THOC2: variants seen among roughly 807,000 people sequenced by gnomAD.
The protein encoded by THOC2 is THO complex 2.
Under a neutral mutation model 128.4 loss-of-function variants are expected in THOC2, and 10 were observed. The ratio of observed to expected loss-of-function variants is 0.08; its 90% confidence interval spans 0.05 to 0.13. THOC2 has a LOEUF of 0.13. Among genes scored for constraint, THOC2 ranks in the 10% least tolerant of loss-of-function variants. The pLI is 1.00. For missense variants in THOC2, 535 were observed against 1,155.7 expected, an observed-to-expected ratio of 0.46 and a Z score of 7.79; for synonymous variants, 393 against 396.9, an observed-to-expected ratio of 0.99 and a Z score of 0.12.
chrX:123,662,716 C>G (rs2048889737), intron 12 of THOC2, among the ~76,000 whole-genome samples: 1 of 111,321 alleles, frequency 9.0e-6, no homozygotes. Context: ...TATCACATAT[C>G]TGATAAGGCC....
intron 12 of THOC2, among the ~76,000 whole-genome samples, chrX:123,647,629 T>C (rs1328972754): frequency 9.2e-6 from 1 of 108,782 alleles, no homozygotes; most frequent in Admixed American, 9.9e-5. Context: ...AGGTCGGGAG[T>C]TCGAGACCAG....
chrX:123,648,096 A>T (rs1040331495), intron 12 of THOC2, among the ~76,000 whole-genome samples: 4 of 110,899 alleles, frequency 3.6e-5, no homozygotes, highest in Non-Finnish European at 7.6e-5. Context: ...TGCATTTCCA[A>T]CTGAGGTACC....
chrX:123,623,417 A>G, intron 28 of THOC2, 134 bp from the exon 29 acceptor site: 1 of 714,192 alleles, frequency 1.4e-6, no homozygotes, highest in South Asian at 4.0e-5. Context: ...CCAATTTTTA[A>G]TAAGTTCTTG....
chrX:123,667,316 C>G (rs372855351), intron 10 of THOC2, 38 bp from the exon 11 acceptor site: 2 of 1,024,626 alleles, frequency 2.0e-6, no homozygotes, highest in Non-Finnish European at 2.7e-6. Flanking sequence ...ACTCAGGATA[C>G]AGACATCAAG....
intron 31 of THOC2, 66 bp downstream of exon 31, chrX:123,621,091 G>A (rs1193503013): frequency 1.7e-6 from 2 of 1,172,467 alleles, no homozygotes; most frequent in Non-Finnish European, 2.3e-6. Context: ...CCAAAACAAG[G>A]AGACAATAAC....
At chrX:123,681,170 A>T (rs898454713) in intron 8 of THOC2, among the ~76,000 whole-genome samples, 2 of 112,158 alleles carry the variant, frequency 1.8e-5, no homozygotes, top group South Asian at 7.4e-4. Flanking sequence ...ACTCTTCTTT[A>T]TTAGAAGAAT....
intron 12 of THOC2, among the ~76,000 whole-genome samples, chrX:123,648,725 G>A (rs558282615): frequency 8.9e-6 from 1 of 112,018 alleles, no homozygotes; most frequent in Admixed American, 9.4e-5. Flanking sequence ...AGAGCCCACT[G>A]CAGCGTCACA....
intron 4 of THOC2, among the ~76,000 whole-genome samples, chrX:123,700,123 A>G (rs1046036194): frequency 5.4e-5 from 6 of 110,476 alleles, no homozygotes; most frequent in Non-Finnish European, 7.6e-5. Flanking sequence ...CCCAGCCCAG[A>G]GGCCCCATCA....
chrX:123,696,704 A>G lies in THOC2; in HGVS notation c.467+17T>C, dbSNP rs1413039264. 8.4e-7 allele frequency: 1 copy of G among 1,187,542 alleles called. No homozygotes were observed. The highest frequency in any genetic ancestry group is 1.8e-5 in the African/African-American group (1 of 56,295). ...TACTCAGATACTTGATCTGCAACAT[A>G]AGATACGTGTACTTACAAGAGTTTT... On this transcript the variant is annotated intron_variant, in intron 6 of 38. Transcript: ENST00000245838.
chrX:123,694,200 A>T (rs889777150), intron 7 of THOC2, among the ~76,000 whole-genome samples: 3 of 111,502 alleles, frequency 2.7e-5, no homozygotes, highest in African/African-American at 9.8e-5. Flanking sequence ...TATGTGGGGA[A>T]TACTACCTTA....
At chrX:123,657,141 C>T (rs906157062) in intron 12 of THOC2, among the ~76,000 whole-genome samples, 3 of 111,382 alleles carry the variant, frequency 2.7e-5, no homozygotes, top group Non-Finnish European at 3.8e-5. Context: ...GGAGATAACG[C>T]GGCTGAGGAA....
At chrX:123,642,197 G>A (rs1319754025) in intron 15 of THOC2, among the ~76,000 whole-genome samples, 5 of 111,503 alleles carry the variant, frequency 4.5e-5, no homozygotes, top group Non-Finnish European at 7.5e-5. Flanking sequence ...AGGCCAAGGC[G>A]GGTGAATCAC....
At position 123,691,001 on chromosome X, in the gene THOC2, C is replaced by A. The variant is rs759299234; in HGVS notation, c.602-4287G>T. 6.3e-5 allele frequency among the ~76,000 whole-genome samples: 7 copies of A among 111,898 alleles called. No individual in the cohort carries two copies. In the Admixed American group the frequency reaches 6.6e-4, roughly 11 times the overall value. On this transcript the variant is annotated intron_variant, in intron 7 of 38. Coordinates refer to ENST00000245838, the MANE Select transcript of THOC2 (RefSeq NM_001081550.2). Reference sequence around the variant, plus strand: ...CCAAGGCAGGTAGATAGCTTGAGCTCAGGAGTTCGAGACCTGCCAGGGCAA... The same window carrying A: ...CCAAGGCAGGTAGATAGCTTGAGCTAAGGAGTTCGAGACCTGCCAGGGCAA...
intron 12 of THOC2, among the ~76,000 whole-genome samples, chrX:123,664,493 T>G (rs2048974559): frequency 9.0e-6 from 1 of 111,731 alleles, no homozygotes; most frequent in Non-Finnish European, 1.9e-5. Context: ...TACAAAGAAC[T>G]CAAACAAATT....
At chrX:123,655,793 G>A (rs948410309) in intron 12 of THOC2, among the ~76,000 whole-genome samples, 14 of 111,340 alleles carry the variant, frequency 1.3e-4, no homozygotes, top group Middle Eastern at 4.6e-3. Flanking sequence ...TTTACCAAGC[G>A]CCAACGTATG....
Position 123,638,752 on chromosome X carries a change from T to A in THOC2, c.1840+182A>T, listed in dbSNP as rs754285886. Among the ~76,000 whole-genome samples, 57 of 88,930 alleles carry A rather than the reference T, an allele frequency of 6.4e-4. No individual in the cohort carries two copies. The highest frequency in any genetic ancestry group is 1.0e-3 in the Admixed American group (8 of 7,923). The allele number at this position is 88,930 out of a possible 115,157, so 77.2% of individuals were successfully genotyped here. A position where few individuals can be genotyped will look rare whatever the true frequency, so the allele number is the denominator to read the frequency against. On this transcript the variant is annotated intron_variant, in intron 17 of 38. Coordinates refer to ENST00000245838, the MANE Select transcript of THOC2 (RefSeq NM_001081550.2). The stretch of plus-strand genomic sequence containing the variant: ...TACACACACACACACACACACACAC[T>A]CTCTCTCTCTCTCACATACACACAC...
chrX:123,626,460 TATA>T (rs921505475), intron 24 of THOC2, 58 bp downstream of exon 24: 32 of 1,077,472 alleles, frequency 3.0e-5, no homozygotes, highest in Non-Finnish European at 3.8e-5. Flanking sequence ...CCTCTAAAGT[TATA>T]ATGTTTTGTT....
chrX:123,613,912 C>T (rs908726065), intron 34 of THOC2, 140 bp downstream of exon 34: 3 of 726,929 alleles, frequency 4.1e-6, no homozygotes, highest in Non-Finnish European at 4.0e-6. Flanking sequence ...AAAATGCAAA[C>T]ACTTCAGGGT....
chrX:123,658,392 T>C (rs1331251329), intron 12 of THOC2, among the ~76,000 whole-genome samples: 2 of 111,984 alleles, frequency 1.8e-5, no homozygotes, highest in African/African-American at 3.2e-5. Context: ...CAAAAACTTG[T>C]ACAAAGGTGC....
Sources: allele counts gnomAD v4.1 joint callset (sites outside exome capture counted in the v4.1 genomes callset), GRCh38; gene constraint gnomAD v4.1.1; transcripts MANE v1.5; gene names NCBI Gene and HGNC (gene_info 2026-07-23, HGNC 2026-07-21).